The following MYH11 variants were observed in gnomAD, a reference collection of about 807,000 sequenced individuals.
The protein encoded by MYH11 is myosin-11.
MYH11 carries 80 observed loss-of-function variants against 246.6 expected under a neutral mutation model. The ratio of observed to expected loss-of-function variants is 0.32; its 90% confidence interval spans 0.27 to 0.39. The LOEUF (loss-of-function observed/expected upper bound fraction) is 0.39, where lower values mean the gene tolerates loss of function less well. Ranked by LOEUF, MYH11 falls within the 10% of genes least tolerant of loss-of-function variation. MYH11 has a pLI of 1.00. For missense variants in MYH11, 2,158 were observed against 2,546.8 expected (o/e 0.85, Z 3.29); for synonymous variants, 1,071 against 1,015.5 (o/e 1.05, Z -1.04).
At chr16:15,802,889 A>T (rs563965621) in intron 3 of MYH11, among the ~76,000 whole-genome samples, 130 of 152,110 alleles carry the variant, frequency 8.5e-4, no homozygotes, top group African/African-American at 3.1e-3. Context: ...GGTGGCTCAC[A>T]CCTGTAATCC....
intron 2 of MYH11, among the ~76,000 whole-genome samples, chr16:15,834,418 C>T (rs944197432): frequency 2.6e-5 from 4 of 151,576 alleles, no homozygotes; most frequent in Admixed American, 2.0e-4. Flanking sequence ...CCCAGCTACT[C>T]GGGAGGCTGA....
At chr16:15,759,486 C>T (rs770431304) in intron 12 of MYH11, 90 bp downstream of exon 12, 88 of 1,557,852 alleles carry the variant, frequency 5.6e-5, no homozygotes, top group Non-Finnish European at 7.1e-5. Context: ...TAGCCATCTA[C>T]ATGCCTTTCT....
chr16:15,801,559 G>A (rs935786180), intron 3 of MYH11, among the ~76,000 whole-genome samples: 2 of 152,046 alleles, frequency 1.3e-5, no homozygotes, highest in African/African-American at 4.8e-5. Context: ...TACTTGGGAG[G>A]CTGAGACAGT....
At chr16:15,808,198 A>G (rs2043058361) in intron 3 of MYH11, among the ~76,000 whole-genome samples, 1 of 152,184 alleles carries the variant, frequency 6.6e-6, no homozygotes, top group Admixed American at 6.5e-5. Context: ...CTGTGGTGTG[A>G]CTGTGAAGGT....
chr16:15,724,528 G>C, intron 30 of MYH11, 119 bp from the exon 31 acceptor site: 1 of 1,605,860 alleles, frequency 6.2e-7, no homozygotes, highest in Non-Finnish European at 8.5e-7. Flanking sequence ...CCAATAGCAG[G>C]GGAAGCTGGG....
At chr16:15,771,497 A>G (rs1316777356) in intron 9 of MYH11, 72 bp downstream of exon 9, 6 of 1,546,392 alleles carry the variant, frequency 3.9e-6, no homozygotes, top group Non-Finnish European at 8.9e-7. Context: ...TGTCCTGACC[A>G]GAGAAGAGTT....
intron 6 of MYH11, 94 bp downstream of exon 6, chr16:15,782,291 G>T: frequency 9.7e-7 from 1 of 1,028,730 alleles, no homozygotes; most frequent in Admixed American, 1.7e-5. Flanking sequence ...AGGGTCAGAT[G>T]CCCCTCCCAC....
chr16:15,788,079 T>G (rs77378990), intron 4 of MYH11, among the ~76,000 whole-genome samples: 1 of 118,112 alleles, frequency 8.5e-6, no homozygotes, highest in Non-Finnish European at 1.8e-5. Context: ...AGGTAGATCT[T>G]TTTTTTTTTT....
intron 9 of MYH11, 53 bp from the exon 10 acceptor site, chr16:15,763,944 C>A: frequency 6.7e-7 from 1 of 1,492,424 alleles, no homozygotes; most frequent in Non-Finnish European, 9.3e-7. Context: ...GCCAAGGTAC[C>A]CTGGAGTTTT....
At chr16:15,723,257 A>G (rs886145131) in intron 31 of MYH11, among the ~76,000 whole-genome samples, 4 of 152,196 alleles carry the variant, frequency 2.6e-5, no homozygotes, top group Non-Finnish European at 5.9e-5. Context: ...TTAATATGCA[A>G]TGTTGAGGTG....
At position 15,724,154 on chromosome 16, in the gene MYH11, C is replaced by T. The variant is rs1567699226; in HGVS notation, c.4365+7G>A. On this transcript the variant is annotated splice_region_variant and intron_variant, in intron 31 of 40. Transcript: ENST00000300036. ...GGCCAGAGTGGGGGACACCCCACGCCCTCTACCTGATCAAATTTCCTCTGC... is the reference window on the plus strand; with the variant it reads ...GGCCAGAGTGGGGGACACCCCACGCTCTCTACCTGATCAAATTTCCTCTGC... The T allele has an allele frequency of 6.2e-7, 1 of 1,612,964 alleles. No homozygotes were observed. The highest frequency in any genetic ancestry group is 1.3e-5 in the African/African-American group (1 of 75,024).
chr16:15,753,290 A>G (rs569346544), intron 15 of MYH11, 104 bp downstream of exon 15: 1 of 986,422 alleles, frequency 1.0e-6, no homozygotes, highest in African/African-American at 1.6e-5. Context: ...CCCTGCCCCC[A>G]TGTAAAGGCC....
Position 15,704,158 on chromosome 16 carries a change from G to T in MYH11, c.5787-35C>A, listed in dbSNP as rs115195346. On this transcript the variant is annotated intron_variant, in intron 40 of 40. Transcript: ENST00000300036. ...GTAAGAAAACACATTATTTAGCAAA[G>T]AAATCTTCATGGTTGGGATAGATTT... The T allele has an allele frequency of 4.9e-4, 795 of 1,612,550 alleles. 3 individuals are homozygous for T. The African/African-American group carries it at 9.1e-3, about 18-fold the overall frequency.
At chr16:15,709,407 CG>C (rs1438947549) in intron 40 of MYH11, among the ~76,000 whole-genome samples, 3 of 148,854 alleles carry the variant, frequency 2.0e-5, no homozygotes, top group African/African-American at 7.4e-5. Context: ...CTCCACCTCC[CG>C]GGTTCAAGCG....
chr16:15,708,547 GCA>G (rs1450846839), intron 40 of MYH11, among the ~76,000 whole-genome samples: 1 of 152,196 alleles, frequency 6.6e-6, no homozygotes, highest in Non-Finnish European at 1.5e-5. Context: ...TGATAAGGGC[GCA>G]CACTGTTGGG....
intron 8 of MYH11, among the ~76,000 whole-genome samples, chr16:15,773,441 T>G (rs748403421): frequency 2.6e-5 from 4 of 151,838 alleles, no homozygotes; most frequent in Non-Finnish European, 4.4e-5. Flanking sequence ...CCCACCACCA[T>G]GCCCAGGTAA....
At chr16:15,774,971 C>T (rs1304288684) in intron 8 of MYH11, among the ~76,000 whole-genome samples, 2 of 152,346 alleles carry the variant, frequency 1.3e-5, no homozygotes, top group Middle Eastern at 3.4e-3. Flanking sequence ...TCTGAGCTCA[C>T]ACAGATCCTT....
chr16:15,835,537 T>G (rs2151379069), intron 2 of MYH11, among the ~76,000 whole-genome samples: 1 of 152,270 alleles, frequency 6.6e-6, no homozygotes. Flanking sequence ...AATTTTCATT[T>G]GGCAAAATGT....
chr16:15,838,887 C>T (rs978437120), intron 1 of MYH11, among the ~76,000 whole-genome samples: 42 of 148,312 alleles, frequency 2.8e-4, no homozygotes, highest in Non-Finnish European at 8.9e-5. Flanking sequence ...AAGAAGAAGC[C>T]GGAAGTAAGT....
Sources: allele counts gnomAD v4.1 joint callset (sites outside exome capture counted in the v4.1 genomes callset), GRCh38; gene constraint gnomAD v4.1.1; transcripts MANE v1.5; gene names NCBI Gene and HGNC (gene_info 2026-07-23, HGNC 2026-07-21).